The following SBSPON variants were observed in gnomAD, a reference collection of about 807,000 sequenced individuals.
SBSPON encodes somatomedin-B and thrombospondin type-1 domain-containing protein.
A neutral mutation model predicts 35.8 loss-of-function variants in SBSPON; 30 were observed. The observed-to-expected ratio is 0.84, with a 90% CI of 0.63 to 1.14. SBSPON has a LOEUF of 1.14. Among genes scored for constraint, SBSPON ranks in the 50% most tolerant of loss-of-function variants. The pLI is 0.00. For missense variants in SBSPON, 364 were observed against 357.7 expected (o/e 1.02, Z -0.14); for synonymous variants, 136 against 135.9 (o/e 1.00, Z 0.00).
intron 1 of SBSPON, among the ~76,000 whole-genome samples, chr8:73,086,765 T>C (rs1215315549): frequency 6.6e-6 from 1 of 152,230 alleles, no homozygotes; most frequent in Non-Finnish European, 1.5e-5. Context: ...AAAAAAGATA[T>C]GAATAAAAAA....
intron 1 of SBSPON, among the ~76,000 whole-genome samples, chr8:73,086,567 C>G (rs1810830388): frequency 6.6e-6 from 1 of 152,198 alleles, no homozygotes; most frequent in African/African-American, 2.4e-5. Flanking sequence ...GCCTATTACT[C>G]CCTCAGAAAG....
At position 73,067,225 on chromosome 8, in the gene SBSPON, G is replaced by A. The variant is rs1810404876; in HGVS notation, c.*116C>T. On this transcript the variant is annotated 3_prime_UTR_variant, in exon 5 of 5. Transcript: ENST00000297354. ...AAATTTTCTTTCTCTACTTCAGAGTGTGGCAATGATGTGTTTGGGGACTTT... is the reference window on the plus strand; with the variant it reads ...AAATTTTCTTTCTCTACTTCAGAGTATGGCAATGATGTGTTTGGGGACTTT... 2.0e-5 allele frequency: 12 copies of A among 612,096 alleles called. No homozygotes were observed. Among genetic ancestry groups the A allele is most frequent in the Admixed American group, 7.5e-5 (3 of 40,084 alleles). 37.9% of individuals were successfully genotyped at this position (612,096 alleles called of 1,614,324 possible).
intron 1 of SBSPON, among the ~76,000 whole-genome samples, chr8:73,092,352 G>C (rs1810951590): frequency 6.6e-6 from 1 of 152,228 alleles, no homozygotes; most frequent in South Asian, 2.1e-4. Flanking sequence ...CCAGAAGAAA[G>C]TATTAATACC....
intron 1 of SBSPON, among the ~76,000 whole-genome samples, chr8:73,082,345 G>A (rs545001422): frequency 1.7e-4 from 26 of 152,198 alleles, no homozygotes; most frequent in South Asian, 1.7e-3. Context: ...AGTGTGATCC[G>A]CTTTCCTATC....
At chr8:73,084,898 A>G (rs1349408797) in intron 1 of SBSPON, among the ~76,000 whole-genome samples, 4 of 152,056 alleles carry the variant, frequency 2.6e-5, no homozygotes, top group Admixed American at 6.6e-5. Context: ...GCCCCTGAGG[A>G]TCATGATAGT....
At chr8:73,090,421 C>T (rs887263166) in intron 1 of SBSPON, among the ~76,000 whole-genome samples, 2 of 152,266 alleles carry the variant, frequency 1.3e-5, no homozygotes, top group Non-Finnish European at 2.9e-5. Flanking sequence ...CTTCCAGCTG[C>T]CAGGTCAGCT....
intron 1 of SBSPON, among the ~76,000 whole-genome samples, chr8:73,090,841 A>G (rs1422189306): frequency 6.6e-6 from 1 of 152,228 alleles, no homozygotes; most frequent in African/African-American, 2.4e-5. Context: ...TTCACAAGAC[A>G]GCAGGCCATG....
At chr8:73,069,351 C>T (rs1467681942) in intron 4 of SBSPON, among the ~76,000 whole-genome samples, 1 of 151,980 alleles carries the variant, frequency 6.6e-6, no homozygotes, top group Non-Finnish European at 1.5e-5. Flanking sequence ...GTGGTGCAAT[C>T]TTGGATCACT....
At chr8:73,078,041 ACCCAGCTATGACAGAGGGG>A (rs1002549145) in intron 2 of SBSPON, among the ~76,000 whole-genome samples, 1 of 152,182 alleles carries the variant, frequency 6.6e-6, no homozygotes, top group African/African-American at 2.4e-5. Context: ...TGATTAGGTG[ACCCAGCTATGACAGAGGGG>A]CCTCTGTCAC....
chr8:73,076,517 C>T (rs1388631954), intron 2 of SBSPON, among the ~76,000 whole-genome samples: 2 of 151,834 alleles, frequency 1.3e-5, no homozygotes, highest in African/African-American at 2.4e-5. Flanking sequence ...TGTGTTGGTG[C>T]GCGCCTGTAA....
rs1322450501 is a variant in SBSPON at position 73,079,327 on chromosome 8, T to C, written c.409+1692A>G. Among the ~76,000 whole-genome samples the C allele has an allele frequency of 3.3e-5, 5 of 152,072 alleles. No homozygotes were observed. In the South Asian group the frequency reaches 6.2e-4, roughly 19 times the overall value. On this transcript the variant is annotated intron_variant, in intron 2 of 4. Transcript: ENST00000297354. The stretch of plus-strand genomic sequence containing the variant: ...TCCAATCTCCCTCTCCCCCAGGAGT[T>C]GCTGTGCCCTCCTCCCCAGCCCACC...
chr8:73,074,677 C>G (rs138933208), intron 2 of SBSPON: 10 of 534,356 alleles, frequency 1.9e-5, no homozygotes, highest in Non-Finnish European at 2.4e-5. Context: ...CTTTCTGTCA[C>G]GAATCATTAT....
intron 4 of SBSPON, among the ~76,000 whole-genome samples, chr8:73,067,739 A>G (rs1033643117): frequency 2.2e-4 from 4 of 18,080 alleles, no homozygotes; most frequent in Non-Finnish European, 5.4e-4. Context: ...GATGGAGTTT[A>G]ACTGTGTTGC....
chr8:73,074,915 A>G (rs899885457), intron 2 of SBSPON, among the ~76,000 whole-genome samples: 6 of 152,244 alleles, frequency 3.9e-5, no homozygotes, highest in African/African-American at 1.4e-4. Context: ...AGGGTGTTAT[A>G]CCAATTTCAT....
chr8:73,072,384 AAGC>A (rs1810510195), intron 2 of SBSPON, among the ~76,000 whole-genome samples: 1 of 152,040 alleles, frequency 6.6e-6, no homozygotes, highest in African/African-American at 2.4e-5. Flanking sequence ...GAAAGGAAAA[AAGC>A]AGCTGGCGTG....
In SBSPON at chr8:73,071,760, A is replaced by ATT. The variant is rs759934143; in HGVS notation, c.500+19_500+20insAA. 5.0e-5 allele frequency: 75 copies of ATT among 1,488,824 alleles called. 1 individual carries two copies. The highest frequency in any genetic ancestry group is 6.4e-5 in the Non-Finnish European group (69 of 1,080,208). 92.2% of individuals were successfully genotyped at this position (1,488,824 alleles called of 1,614,324 possible). The stretch of plus-strand genomic sequence containing the variant: ...ACAATTGAAAAACATGATTAAAAAA[A>ATT]AAAAAAAACACGAAATTACCCAGCA... On this transcript the variant is annotated intron_variant, in intron 3 of 4. Coordinates refer to ENST00000297354, the MANE Select transcript of SBSPON (RefSeq NM_153225.4).
At chr8:73,077,371 G>T (rs185484072) in intron 2 of SBSPON, among the ~76,000 whole-genome samples, 2 of 152,374 alleles carry the variant, frequency 1.3e-5, no homozygotes, top group East Asian at 3.9e-4. Flanking sequence ...CCTCAAAGGC[G>T]CCTGATCTGC....
chr8:73,078,627 G>T (rs7840978), intron 2 of SBSPON, among the ~76,000 whole-genome samples: 4 of 152,068 alleles, frequency 2.6e-5, no homozygotes, highest in Non-Finnish European at 5.9e-5. Flanking sequence ...TTCCAGATAG[G>T]TTGGCGCTAG....
At chr8:73,079,552 G>T (rs77178053) in intron 2 of SBSPON, among the ~76,000 whole-genome samples, 2 of 150,914 alleles carry the variant, frequency 1.3e-5, no homozygotes, top group African/African-American at 2.5e-5. Context: ...CAGCTCTACA[G>T]ACCTCAGCCC....
Sources: gnomAD v4.1 joint callset for allele counts (sites outside exome capture counted in the v4.1 genomes callset) on GRCh38, gnomAD v4.1.1 for gene constraint, MANE v1.5 for transcripts, NCBI Gene and HGNC (gene_info 2026-07-23, HGNC 2026-07-21) for gene names.